VIPR1: variants seen among roughly 807,000 people sequenced by gnomAD.
VIPR1 encodes vasoactive intestinal peptide receptor 1.
Under a neutral mutation model 58.8 loss-of-function variants are expected in VIPR1, and 59 were observed. The observed-to-expected ratio is 1.00, with a 90% CI of 0.81 to 1.25. The LOEUF is 1.25. Among genes scored for constraint, VIPR1 ranks in the 50% most tolerant of loss-of-function variants. VIPR1 has a pLI of 0.00. For missense variants in VIPR1, 626 were observed against 602.7 expected, an observed-to-expected ratio of 1.04 and a Z score of -0.40; for synonymous variants, 251 against 242.1, an observed-to-expected ratio of 1.04 and a Z score of -0.34.
chr3:42,519,219 A>T lies in VIPR1; in HGVS notation c.185-4A>T. ...CCCATGTGTCTTCTGCCTTACCCCC[A>T]TAGGCTGCAGCAAGATGTGGGACAA... On this transcript the variant is annotated splice_region_variant and splice_polypyrimidine_tract_variant and intron_variant, in intron 2 of 12. Transcript: ENST00000325123. 6.2e-7 allele frequency: 1 copy of T among 1,605,534 alleles called. No individual in the cohort carries two copies. The highest frequency in any genetic ancestry group is 8.5e-7 in the Non-Finnish European group (1 of 1,176,080).
rs536758580 is a variant in VIPR1 at position 42,531,279 on chromosome 3, CA to C, written c.791-191del. On this transcript the variant is annotated intron_variant, in intron 7 of 12. Coordinates refer to ENST00000325123, the MANE Select transcript of VIPR1 (RefSeq NM_004624.4). Reference sequence around the variant, plus strand: ...GTCTAGGTAGACACAGCCCTTCAGGCATACAGCTTCACCCCCTCAGTGGAGC... The same window carrying C: ...GTCTAGGTAGACACAGCCCTTCAGGCTACAGCTTCACCCCCTCAGTGGAGC... 2,093 of 644,534 alleles carry C rather than the reference CA, an allele frequency of 3.2e-3. 9 individuals are homozygous for C. Among genetic ancestry groups the C allele is most frequent in the Non-Finnish European group, 4.4e-3 (1,604 of 366,346 alleles). The allele number at this position is 644,534 out of a possible 1,614,324, so 39.9% of individuals were successfully genotyped here.
intron 1 of VIPR1, among the ~76,000 whole-genome samples, chr3:42,494,926 A>G (rs915700707): frequency 1.3e-5 from 2 of 152,168 alleles, no homozygotes; most frequent in Non-Finnish European, 2.9e-5. Context: ...TAAATAATGT[A>G]TAATTCCAAT....
chr3:42,521,627 GGAGA>G (rs1411096083), intron 3 of VIPR1: 1 of 152,140 alleles, frequency 6.6e-6, no homozygotes, highest in Non-Finnish European at 1.5e-5. Flanking sequence ...TAAAAATTGT[GGAGA>G]GTTAGAAAAA....
intron 6 of VIPR1, 147 bp downstream of exon 6, chr3:42,528,270 C>A: frequency 1.8e-6 from 2 of 1,108,796 alleles, no homozygotes; most frequent in African/African-American, 1.6e-5. Flanking sequence ...CTAACCCCCA[C>A]CCAACCCCAC....
At chr3:42,519,402 G>A in intron 3 of VIPR1, 72 bp downstream of exon 3, 5 of 1,388,058 alleles carry the variant, frequency 3.6e-6, no homozygotes, top group Non-Finnish European at 4.9e-6. Context: ...TCAAGGAAGT[G>A]GAAAGGCAAA....
At chr3:42,525,429 A>G (rs968655282) in intron 3 of VIPR1, among the ~76,000 whole-genome samples, 4 of 118,166 alleles carry the variant, frequency 3.4e-5, no homozygotes, top group African/African-American at 1.3e-4. Context: ...AAGCCCTTCC[A>G]GGTGTGAGAA....
intron 1 of VIPR1, among the ~76,000 whole-genome samples, chr3:42,496,494 G>T (rs1044584797): frequency 7.7e-4 from 117 of 152,334 alleles, no homozygotes; most frequent in African/African-American, 2.8e-3. Context: ...AGAGGGAGAT[G>T]TGGCTCTCCT....
At chr3:42,531,312 C>T in intron 7 of VIPR1, 159 bp from the exon 8 acceptor site, 1 of 737,706 alleles carries the variant, frequency 1.4e-6, no homozygotes, top group Non-Finnish European at 2.3e-6. Context: ...GAGCATCCCT[C>T]CGTGGTGAAC....
rs2276831 is a variant in VIPR1, at chr3:42,527,577, C to T, written c.503+81C>T. On this transcript the variant is annotated intron_variant, in intron 5 of 12. Transcript: ENST00000325123. The stretch of plus-strand genomic sequence containing the variant: ...ACAGTGGAGCCCAGCGTGGCCCAGG[C>T]GTGCCCCGACCCCTCCACTGTTGCC... 113 of 1,388,856 alleles carry T rather than the reference C, an allele frequency of 8.1e-5. 1 individual carries two copies. The highest frequency in any genetic ancestry group is 2.3e-5 in the East Asian group (1 of 42,612). The allele number at this position is 1,388,856 out of a possible 1,614,324, so 86.0% of individuals were successfully genotyped here. A position where few individuals can be genotyped will look rare whatever the true frequency, so the allele number is the denominator to read the frequency against.
intron 3 of VIPR1, among the ~76,000 whole-genome samples, chr3:42,520,264 C>T (rs753497718): frequency 6.6e-6 from 1 of 152,146 alleles, no homozygotes; most frequent in Non-Finnish European, 1.5e-5. Flanking sequence ...GGGACAGGTG[C>T]GCCGAGGCCA....
intron 3 of VIPR1, among the ~76,000 whole-genome samples, chr3:42,523,789 C>G (rs1342023989): frequency 6.6e-6 from 1 of 152,118 alleles, no homozygotes; most frequent in Non-Finnish European, 1.5e-5. Context: ...AGTGTCCCAG[C>G]TTCAAGGCTG....
intron 1 of VIPR1, among the ~76,000 whole-genome samples, chr3:42,503,777 G>T (rs1699988067): frequency 6.6e-6 from 1 of 152,182 alleles, no homozygotes; most frequent in African/African-American, 2.4e-5. Context: ...CTAGACAAAG[G>T]TTGATTTTCT....
intron 6 of VIPR1, chr3:42,528,336 C>A: frequency 1.5e-6 from 1 of 667,464 alleles, no homozygotes; most frequent in Non-Finnish European, 2.5e-6. Flanking sequence ...GCTCACCCAT[C>A]TGGGTGCTCA....
At chr3:42,508,733 C>G (rs1055831317) in intron 1 of VIPR1, 23 of 152,250 alleles carry the variant, frequency 1.5e-4, no homozygotes, top group African/African-American at 5.6e-4. Context: ...CCTTTTCTGC[C>G]CTTCCTCCTC....
intron 5 of VIPR1, 83 bp from the exon 6 acceptor site, chr3:42,527,908 C>T: frequency 6.4e-7 from 1 of 1,560,500 alleles, no homozygotes; most frequent in Non-Finnish European, 8.7e-7. Flanking sequence ...CCTGCCCCAC[C>T]CTTGCTCAGC....
At chr3:42,528,274 AC>A (rs1408623959) in intron 6 of VIPR1, 151 bp downstream of exon 6, 3 of 909,380 alleles carry the variant, frequency 3.3e-6, no homozygotes, top group Non-Finnish European at 2.9e-6. Flanking sequence ...CCCCCACCCA[AC>A]CCCACCTGGC....
chr3:42,530,141 A>ATGAG (rs2125674296), intron 6 of VIPR1: 1 of 153,434 alleles, frequency 6.5e-6, no homozygotes, highest in African/African-American at 2.4e-5. Context: ...CATTAGATGA[A>ATGAG]TGAGTGGGTG....
intron 1 of VIPR1, chr3:42,507,327 T>A (rs1261352436): frequency 6.6e-6 from 1 of 152,254 alleles, no homozygotes; most frequent in Non-Finnish European, 1.5e-5. Context: ...GCCTTGGCAG[T>A]GAGCCTCAGG....
At chr3:42,522,107 T>A (rs199711163) in intron 3 of VIPR1, among the ~76,000 whole-genome samples, 755 of 32,796 alleles carry the variant, frequency 0.023, 4 homozygotes, top group African/African-American at 0.053. Flanking sequence ...ATATATTTTT[T>A]TTTTTTTTTT....
Sources: gnomAD v4.1 joint callset for allele counts (sites outside exome capture counted in the v4.1 genomes callset) on GRCh38, gnomAD v4.1.1 for gene constraint, MANE v1.5 for transcripts, NCBI Gene and HGNC (gene_info 2026-07-23, HGNC 2026-07-21) for gene names.